The following CNTN5 variants were observed in gnomAD, a reference collection of about 807,000 sequenced individuals.
CNTN5 encodes contactin-5.
Under a neutral mutation model 129.1 loss-of-function variants are expected in CNTN5, and 77 were observed. The ratio of observed to expected loss-of-function variants is 0.60; its 90% CI spans 0.50 to 0.72. The LOEUF is 0.72. Among genes scored for constraint, CNTN5 ranks in the 30% least tolerant of loss-of-function variants. CNTN5 has a pLI of 0.00. For missense variants in CNTN5, 1,478 were observed against 1,328.8 expected (o/e 1.11, Z -1.75); for synonymous variants, 509 against 465.6 (o/e 1.09, Z -1.20).
chr11:99,708,304 A>T (rs1954836128), intron 3 of CNTN5, among the ~76,000 whole-genome samples: 1 of 151,776 alleles, frequency 6.6e-6, no homozygotes. Flanking sequence ...ATAGTTTCAC[A>T]TTCATATATT....
chr11:99,198,962 A>G (rs1039330070), intron 1 of CNTN5, among the ~76,000 whole-genome samples: 4 of 152,146 alleles, frequency 2.6e-5, no homozygotes, highest in South Asian at 2.1e-4. Context: ...AATGTTTAAT[A>G]GATGCCCATG....
At chr11:99,788,626 A>G (rs80082958) in intron 3 of CNTN5, among the ~76,000 whole-genome samples, 2,014 of 152,020 alleles carry the variant, frequency 0.013, 18 homozygotes, top group Non-Finnish European at 0.021. Context: ...TTTTTACATT[A>G]TTGCAGCAGA....
At chr11:99,812,141 G>A (rs1946447102) in intron 3 of CNTN5, among the ~76,000 whole-genome samples, 1 of 151,960 alleles carries the variant, frequency 6.6e-6, no homozygotes, top group African/African-American at 2.4e-5. Flanking sequence ...AGAAAAGATG[G>A]GTACATGTTG....
At chr11:99,670,903 G>A (rs997874935) in intron 3 of CNTN5, among the ~76,000 whole-genome samples, 1 of 152,116 alleles carries the variant, frequency 6.6e-6, no homozygotes, top group South Asian at 2.1e-4. Flanking sequence ...TGTAAAGTGG[G>A]TAGAATCCTG....
At chr11:99,428,361 A>G (rs1281073641) in intron 2 of CNTN5, among the ~76,000 whole-genome samples, 5 of 151,982 alleles carry the variant, frequency 3.3e-5, no homozygotes, top group Admixed American at 3.3e-4. Flanking sequence ...GGAGTTGAAG[A>G]CCAGCCCGGG....
chr11:99,756,179 T>G (rs1264484593), intron 3 of CNTN5, among the ~76,000 whole-genome samples: 1 of 152,120 alleles, frequency 6.6e-6, no homozygotes, highest in African/African-American at 2.4e-5. Flanking sequence ...CTTAAATGTT[T>G]CCTTTATGGT....
intron 1 of CNTN5, among the ~76,000 whole-genome samples, chr11:99,302,372 A>G (rs1177666812): frequency 6.6e-6 from 1 of 151,728 alleles, no homozygotes; most frequent in African/African-American, 2.4e-5. Flanking sequence ...TAATGAAATC[A>G]TTAATGAAAG....
chr11:99,077,975 C>T (rs963732960), intron 1 of CNTN5, among the ~76,000 whole-genome samples: 2 of 151,974 alleles, frequency 1.3e-5, no homozygotes, highest in Non-Finnish European at 2.9e-5. Context: ...GCAAGATTAC[C>T]CTTAAGCTTT....
chr11:100,034,811 C>G (rs1016170159), intron 9 of CNTN5, among the ~76,000 whole-genome samples: 1 of 152,170 alleles, frequency 6.6e-6, no homozygotes, highest in African/African-American at 2.4e-5. Context: ...GAACATCATT[C>G]ACCTGCTTAA....
Position 99,576,442 on chromosome 11 carries a change from A to G in CNTN5, c.55+20173A>G, listed in dbSNP as rs377341212. 2.4e-4 allele frequency among the ~76,000 whole-genome samples: 37 copies of G among 152,316 alleles called. 1 individual carries two copies. The Middle Eastern group carries it at 0.014, about 56-fold the overall frequency. ...ACTTGGATATTTTCTCCTTATTGAC[A>G]TATAACCCTTTTGGTAGCCTTTCAT... On this transcript the variant is annotated intron_variant, in intron 3 of 24. Coordinates refer to ENST00000524871, the MANE Select transcript of CNTN5 (RefSeq NM_014361.4).
rs1948479365 is a variant in CNTN5 at position 100,191,233 on chromosome 11, T to C, written c.1688T>C (p.Ile563Thr). The C allele has an allele frequency of 1.2e-6, 2 of 1,612,488 alleles. No individual in the cohort carries two copies. Among genetic ancestry groups the C allele is most frequent in the Non-Finnish European group, 1.7e-6 (2 of 1,179,112 alleles). Residue 563 changes from isoleucine to threonine, a missense_variant, in exon 14 of 25, where the codon ATA (isoleucine) becomes ACA (threonine). Ile to Thr is a moderately conservative substitution (Grantham distance 89, BLOSUM62 -1). Coordinates refer to ENST00000524871, the MANE Select transcript of CNTN5 (RefSeq NM_014361.4). ...GENVFGSAEI[I>T]ASLSVKEPTR... is the part of the protein sequence containing the mutation. ...AACGTCTTTGGTTCTGCTGAAATTA[T>C]AGCTTCGCTATCTGTAAAAGGTAAG...
chr11:99,972,192 C>T (rs1212549596), intron 8 of CNTN5, among the ~76,000 whole-genome samples: 10 of 151,390 alleles, frequency 6.6e-5, no homozygotes, highest in African/African-American at 2.2e-4. Flanking sequence ...ACCCGGGAGG[C>T]GGAGCTTGCC....
intron 3 of CNTN5, among the ~76,000 whole-genome samples, chr11:99,689,596 T>C (rs1953955890): frequency 1.3e-5 from 2 of 151,876 alleles, no homozygotes; most frequent in Admixed American, 6.6e-5. Context: ...CTGTTACTTT[T>C]TTTTGACATT....
At chr11:99,633,379 T>G (rs113370286) in intron 3 of CNTN5, among the ~76,000 whole-genome samples, 1 of 152,294 alleles carries the variant, frequency 6.6e-6, no homozygotes, top group African/African-American at 2.4e-5. Context: ...TTTTCAGATC[T>G]AAAAAGGAGA....
chr11:99,292,790 G>A (rs1864224742), intron 1 of CNTN5, among the ~76,000 whole-genome samples: 1 of 152,152 alleles, frequency 6.6e-6, no homozygotes, highest in African/African-American at 2.4e-5. Flanking sequence ...CACAAAGGGA[G>A]ATGAGGCCAA....
chr11:99,166,294 C>A (rs1321553228), intron 1 of CNTN5, among the ~76,000 whole-genome samples: 1 of 150,948 alleles, frequency 6.6e-6, no homozygotes, highest in African/African-American at 2.4e-5. Context: ...CCCAGCTACT[C>A]TGGAGGCTGA....
intron 6 of CNTN5, among the ~76,000 whole-genome samples, chr11:99,867,955 C>T (rs1315275410): frequency 1.3e-5 from 2 of 152,158 alleles, no homozygotes; most frequent in Non-Finnish European, 2.9e-5. Flanking sequence ...TGGCTCACAC[C>T]TGTAATCCCA....
chr11:100,291,371 A>G (rs1334976877), intron 18 of CNTN5, among the ~76,000 whole-genome samples: 1 of 151,090 alleles, frequency 6.6e-6, no homozygotes, highest in Non-Finnish European at 1.5e-5. Context: ...ATGTCCAACA[A>G]TGATAGACTG....
At chr11:99,721,008 A>C (rs1315082739) in intron 3 of CNTN5, among the ~76,000 whole-genome samples, 1 of 152,152 alleles carries the variant, frequency 6.6e-6, no homozygotes, top group Non-Finnish European at 1.5e-5. Flanking sequence ...CAAATGGAAA[A>C]ACATCCTATT....
Sources: gnomAD v4.1 joint callset for allele counts (sites outside exome capture counted in the v4.1 genomes callset) on GRCh38, gnomAD v4.1.1 for gene constraint, MANE v1.5 for transcripts, NCBI Gene and HGNC (gene_info 2026-07-23, HGNC 2026-07-21) for gene names.